AGXT: variants seen among roughly 807,000 people sequenced by gnomAD.
AGXT encodes the protein L-alanine: glyoxylate aminotransferase 1.
A neutral mutation model predicts 46.9 loss-of-function variants in AGXT; 41 were observed. The observed-to-expected ratio is 0.88, with a 90% confidence interval of 0.68 to 1.14. The LOEUF (loss-of-function observed/expected upper bound fraction) is 1.14. AGXT is among the 50% of genes most tolerant of loss of function. AGXT has a pLI of 0.00. For synonymous variants in AGXT, 244 were observed against 227.9 expected (o/e 1.07, Z -0.64); for missense variants, 525 against 522.7 (o/e 1.00, Z -0.04).
chr2:240,878,060 C>A lies in AGXT; in HGVS notation c.981C>A (p.Pro327=). The change falls in exon 10 of 11, where the codon CCC becomes CCA. Residue 327 remains proline, a synonymous_variant. Transcript: ENST00000307503. ...CCACAGTCACCACTGTGGCTGTACC[C>A]GCTGGCTATGACTGGAGAGACATCG... ...RLPTVTTVAV[P]AGYDWRDIVS... is the part of the protein sequence containing the mutation. 1 of 1,613,120 alleles carries A rather than the reference C, an allele frequency of 6.2e-7. No homozygotes were observed. The highest frequency in any genetic ancestry group is 8.5e-7 in the Non-Finnish European group (1 of 1,179,998).
intron 8 of AGXT, 159 bp from the exon 9 acceptor site, chr2:240,877,375 GGTA>G (rs1301722722): frequency 1.4e-6 from 1 of 716,134 alleles, no homozygotes; most frequent in African/African-American, 1.7e-5. Context: ...TCTGCCCTGG[GGTA>G]GTCCCAGGCC....
At chr2:240,878,664 A>C in intron 10 of AGXT, 50 bp from the exon 11 acceptor site, 2 of 1,513,298 alleles carry the variant, frequency 1.3e-6, no homozygotes, top group Non-Finnish European at 1.8e-6. Flanking sequence ...GGTCAGGGTC[A>C]GGCAGGTCCC....
intron 10 of AGXT, 135 bp downstream of exon 10, chr2:240,878,285 A>C (rs1575712880): frequency 1.5e-6 from 2 of 1,294,766 alleles, no homozygotes; most frequent in Middle Eastern, 2.3e-4. Context: ...AGAAGGGCCC[A>C]CTCTCCAAGG....
At position 240,868,908 on chromosome 2, in the gene AGXT, C is replaced by A. The variant is rs768057159; in HGVS notation, c.43C>A (p.Leu15Ile). Reference sequence around the variant, plus strand: ...GCTGGTGACCCCCCCCAAGGCCCTGCTCAAGCCCCTCTCCATCCCCAACCA... The same window carrying A: ...GCTGGTGACCCCCCCCAAGGCCCTGATCAAGCCCCTCTCCATCCCCAACCA... ...KLLVTPPKAL[L>I]KPLSIPNQLL... The change falls in exon 1 of 11, where the codon CTC (leucine) becomes ATC (isoleucine). Residue 15 changes from leucine to isoleucine, a missense_variant. Transcript: ENST00000307503. 7 of 1,613,278 alleles carry A rather than the reference C, an allele frequency of 4.3e-6. No homozygotes were observed. In the South Asian group the frequency reaches 6.6e-5, roughly 15 times the overall value.
chr2:240,875,899 C>T, intron 7 of AGXT, 36 bp from the exon 8 acceptor site: 3 of 1,610,444 alleles, frequency 1.9e-6, no homozygotes, highest in Non-Finnish European at 2.5e-6. Flanking sequence ...CCAACCCTGC[C>T]CATGGTGCTG....
rs1035522835 is a variant in AGXT, at chr2:240,872,273, G to A, written c.525-706G>A. ...GAGTTCGTGAACATGCAGGAGGAGG[G>A]TGAGAGTTCGTGAACATGCAGGAGG... is the stretch of plus-strand genomic sequence containing the variant. On this transcript the variant is annotated intron_variant, in intron 4 of 10. Transcript: ENST00000307503. Among the ~76,000 whole-genome samples, 38 of 147,178 alleles carry A rather than the reference G, an allele frequency of 2.6e-4. 1 individual carries two copies. The highest frequency in any genetic ancestry group is 9.1e-4 in the African/African-American group (36 of 39,522).
chr2:240,873,888 C>T, intron 5 of AGXT, 90 bp from the exon 6 acceptor site: 1 of 1,182,364 alleles, frequency 8.5e-7, no homozygotes, highest in Non-Finnish European at 1.3e-6. Context: ...GGGTCGTAGC[C>T]TACCAGCCCA....
intron 5 of AGXT, 148 bp from the exon 6 acceptor site, chr2:240,873,830 A>G: frequency 1.3e-6 from 1 of 769,786 alleles, no homozygotes; most frequent in Non-Finnish European, 2.2e-6. Context: ...ATTTGAACCC[A>G]GGACTCCCTT....
chr2:240,873,197 T>C, intron 5 of AGXT, 148 bp downstream of exon 5: 1 of 684,162 alleles, frequency 1.5e-6, no homozygotes, highest in Non-Finnish European at 2.5e-6. Flanking sequence ...CACTCCTTAC[T>C]GCGGCAAGAG....
chr2:240,869,067 C>T (rs1187548462), intron 1 of AGXT, 37 bp downstream of exon 1: 2 of 1,607,858 alleles, frequency 1.2e-6, no homozygotes, highest in South Asian at 1.1e-5. Context: ...CTGGGTCTCA[C>T]CCATGTTCCC....
intron 3 of AGXT, 152 bp downstream of exon 3, chr2:240,870,860 G>T: frequency 1.3e-6 from 1 of 742,716 alleles, no homozygotes; most frequent in South Asian, 1.8e-5. Flanking sequence ...CTGGTGAGCG[G>T]CCACAGGGGA....
chr2:240,875,137 C>G lies in AGXT; in HGVS notation c.709C>G (p.Pro237Ala), dbSNP rs370089156. 2 of 1,613,798 alleles carry G rather than the reference C, an allele frequency of 1.2e-6. No homozygotes were observed. Among genetic ancestry groups the G allele is most frequent in the African/African-American group, 1.3e-5 (1 of 75,050 alleles). Reference sequence around the variant, plus strand: ...GAAGATGTACTCCCGCAAGACGAAGCCCTTCTCCTTCTACCTGGACATCAA... The same window carrying G: ...GAAGATGTACTCCCGCAAGACGAAGGCCTTCTCCTTCTACCTGGACATCAA... The part of the protein sequence containing the change: ...KKKMYSRKTK[P>A]FSFYLDIKWL... The change falls in exon 7 of 11, where the codon CCC (proline) becomes GCC (alanine). Residue 237 changes from proline (P) to alanine (A), a missense_variant. Coordinates refer to ENST00000307503, the MANE Select transcript of AGXT (RefSeq NM_000030.3).
intron 5 of AGXT, 113 bp from the exon 6 acceptor site, chr2:240,873,865 C>T (rs1450199729): frequency 1.0e-5 from 10 of 959,152 alleles, no homozygotes; most frequent in Admixed American, 8.7e-5. Flanking sequence ...CTATCGTGTA[C>T]GGATTCGTGG....
In AGXT at chr2:240,878,786, G is replaced by A. The variant is rs534914463; in HGVS notation, c.1144G>A (p.Ala382Thr). ...NVDRVTEALR[A>T]ALQHCPKKKL ...GGACCGCGTGACGGAGGCCCTGAGG[G>A]CGGCCCTGCAGCACTGCCCCAAGAA... Residue 382 changes from alanine (A) to threonine (T), a missense_variant, in exon 11 of 11, where the codon GCG becomes ACG. Ala to Thr is a moderately conservative substitution (Grantham distance 58, BLOSUM62 0). Coordinates refer to ENST00000307503, the MANE Select transcript of AGXT (RefSeq NM_000030.3). 7.2e-5 allele frequency: 115 copies of A among 1,595,212 alleles called. 2 individuals are homozygous for A. The South Asian group carries it at 1.2e-3, about 17-fold the overall frequency.
Position 240,869,873 on chromosome 2 carries a change from G to A in AGXT, c.358+511G>A, listed in dbSNP as rs74543856. Among the ~76,000 whole-genome samples, 623 of 152,282 alleles carry A rather than the reference G, an allele frequency of 4.1e-3. 22 individuals carry two copies. The East Asian group carries it at 0.072, about 18-fold the overall frequency. On this transcript the variant is annotated intron_variant, in intron 2 of 10. Coordinates refer to ENST00000307503, the MANE Select transcript of AGXT (RefSeq NM_000030.3). Reference sequence around the variant, plus strand: ...GACACAGGAGCAGGAGTGTGCCCTGGGTTTAATGATTGATTGTGGCATTGA... The same window carrying A: ...GACACAGGAGCAGGAGTGTGCCCTGAGTTTAATGATTGATTGTGGCATTGA...
chr2:240,870,837 C>CCA, intron 3 of AGXT, 129 bp downstream of exon 3: 1 of 878,596 alleles, frequency 1.1e-6, no homozygotes, highest in Non-Finnish European at 1.8e-6. Flanking sequence ...TGACCCTCAG[C>CCA]CCATCCTAGC....
At position 240,875,973 on chromosome 2, in the gene AGXT, TGA is replaced by T. The variant is rs180177273; in HGVS notation, c.823_824del (p.Ser275ProfsTer56). ...ATCCCCGTCATCAGCCTGTACAGCC[TGA>T]GAGAGAGCCTGGCCCTCATTGCGGA... On this transcript the variant is annotated frameshift_variant, in exon 8 of 11. Transcript: ENST00000307503. LOFTEE classifies it high-confidence loss of function. The T allele has an allele frequency of 6.2e-7, 1 of 1,614,084 alleles. No homozygotes were observed. Among genetic ancestry groups the T allele is most frequent in the South Asian group, 1.1e-5 (1 of 91,076 alleles).
At chr2:240,873,136 C>A in intron 5 of AGXT, 87 bp downstream of exon 5, 1 of 1,207,550 alleles carries the variant, frequency 8.3e-7, no homozygotes, top group Non-Finnish European at 1.2e-6. Flanking sequence ...GTGCGTCCAG[C>A]AGCCGATGCT....
chr2:240,880,212 C>T lies in AGXT; in HGVS notation c.*1391C>T, dbSNP rs1036585937. ...TATACGAGACTGCCACGAAATTCTCCGAAGTGGCTCTTCCATGTTTCATTC... is the reference window on the plus strand; with the variant it reads ...TATACGAGACTGCCACGAAATTCTCTGAAGTGGCTCTTCCATGTTTCATTC... On this transcript the variant is annotated 3_prime_UTR_variant, in exon 11 of 11. Transcript: ENST00000307503. 2.6e-5 allele frequency: 4 copies of T among 152,166 alleles called. No homozygotes were observed. Among genetic ancestry groups the T allele is most frequent in the Non-Finnish European group, 5.9e-5 (4 of 68,042 alleles). 9.4% of individuals were successfully genotyped at this position (152,166 alleles called of 1,614,324 possible). A position where few individuals can be genotyped will look rare whatever the true frequency, so the allele number is the denominator to read the frequency against.
Sources: allele counts gnomAD v4.1 joint callset (sites outside exome capture counted in the v4.1 genomes callset), GRCh38; gene constraint gnomAD v4.1.1; transcripts MANE v1.5; gene names NCBI Gene and HGNC (gene_info 2026-07-23, HGNC 2026-07-21).